Variants in LUC7L observed in about 807,000 individuals in gnomAD.
LUC7L encodes the protein putative RNA-binding protein Luc7-like 1.
Under a neutral mutation model 51.1 loss-of-function variants are expected in LUC7L, and 29 were observed. That is an observed-to-expected ratio of 0.57 (90% CI 0.42 to 0.77). The LOEUF (loss-of-function observed/expected upper bound fraction) is 0.77, where lower values mean the gene tolerates loss of function less well. LUC7L is among the 30% of genes least tolerant of loss of function. The probability of loss-of-function intolerance (pLI) is 0.00; values close to 1 mark genes in which losing one functional copy is unlikely to be tolerated. For synonymous variants in LUC7L, 181 were observed against 180.7 expected, an observed-to-expected ratio of 1.00 and a Z score of -0.01; for missense variants, 403 against 511.9, an observed-to-expected ratio of 0.79 and a Z score of 2.05.
intron 4 of LUC7L, among the ~76,000 whole-genome samples, chr16:206,654 C>A (rs934264794): frequency 6.6e-6 from 1 of 152,126 alleles, no homozygotes; most frequent in African/African-American, 2.4e-5. Flanking sequence ...GGCACTCAGT[C>A]TAATTACATA....
At chr16:204,447 A>C (rs2049422686) in intron 5 of LUC7L, among the ~76,000 whole-genome samples, 1 of 152,052 alleles carries the variant, frequency 6.6e-6, no homozygotes, top group Non-Finnish European at 1.5e-5. Context: ...CAAAAAAATT[A>C]GCCGGGCGTG....
chr16:191,782 C>T (rs531931124), intron 7 of LUC7L, among the ~76,000 whole-genome samples: 1 of 152,308 alleles, frequency 6.6e-6, no homozygotes, highest in Non-Finnish European at 1.5e-5. Flanking sequence ...GGGGTGGAGG[C>T]TGCAGTGAGC....
intron 3 of LUC7L, chr16:209,886 A>G (rs1351324139): frequency 6.6e-6 from 1 of 152,210 alleles, no homozygotes; most frequent in East Asian, 1.9e-4. Flanking sequence ...ATAGGGAAGA[A>G]CCTCCAAGTC....
At chr16:189,464 C>T in intron 9 of LUC7L, 125 bp from the exon 10 acceptor site, 1 of 1,428,644 alleles carries the variant, frequency 7.0e-7, no homozygotes, top group Non-Finnish European at 9.1e-7. Flanking sequence ...CCTGGAAACC[C>T]CCCGGAGGCC....
At chr16:199,690 G>C (rs1178576971) in intron 5 of LUC7L, among the ~76,000 whole-genome samples, 2 of 146,056 alleles carry the variant, frequency 1.4e-5, no homozygotes, top group Admixed American at 7.0e-5. Flanking sequence ...AGAATGGCTT[G>C]AACTCGGGAG....
chr16:203,346 A>G (rs1021904049), intron 5 of LUC7L, among the ~76,000 whole-genome samples: 1 of 152,166 alleles, frequency 6.6e-6, no homozygotes, highest in African/African-American at 2.4e-5. Context: ...AGAAAATAGA[A>G]GCAGAGAGAG....
At chr16:229,157 G>T (rs938273712) in intron 1 of LUC7L, 122 bp downstream of exon 1, 6 of 1,439,476 alleles carry the variant, frequency 4.2e-6, no homozygotes, top group African/African-American at 3.0e-5. Flanking sequence ...GAGCGCGGGG[G>T]AGGAGGAGCG....
rs1161264776 is a variant in LUC7L, at chr16:190,109, C to A, written c.833G>T (p.Arg278Met). ...CTCTCGGGAGGTAGATCTTGACCGC[C>A]TCCGACGCCGATCCCGGGAGCGTGA... is the stretch of plus-strand genomic sequence containing the variant. Reference protein sequence around the residue: ...RRSRSRDRRRRRSRSTSRERR... With the variant: ...RRSRSRDRRRMRSRSTSRERR... The change falls in exon 9 of 10, where the codon AGG becomes ATG. Residue 278 changes from arginine to methionine, a missense_variant. Physicochemically the swap from Arg to Met is moderately conservative, Grantham distance 91 (BLOSUM62 -1). Transcript: ENST00000293872. 1 of 1,612,356 alleles carries A rather than the reference C, an allele frequency of 6.2e-7. No homozygotes were observed. The highest frequency in any genetic ancestry group is 2.2e-5 in the East Asian group (1 of 44,862).
intron 1 of LUC7L, 195 bp downstream of exon 1, chr16:229,084 A>G (rs2050204625): frequency 7.1e-7 from 1 of 1,411,766 alleles, no homozygotes; most frequent in Non-Finnish European, 9.2e-7. Flanking sequence ...GAGGAGCCCG[A>G]CCTGGACCCA....
chr16:227,207 A>T, intron 2 of LUC7L, 35 bp downstream of exon 2: 1 of 1,552,400 alleles, frequency 6.4e-7, no homozygotes, highest in Non-Finnish European at 8.9e-7. Flanking sequence ...CACTCATGTC[A>T]GAGTGTTCCA....
chr16:201,642 T>A (rs985085977), intron 5 of LUC7L, among the ~76,000 whole-genome samples: 1 of 151,764 alleles, frequency 6.6e-6, no homozygotes, highest in Non-Finnish European at 1.5e-5. Context: ...AGTATCACCA[T>A]GTTAGCCAGG....
At chr16:224,166 G>C (rs1438706428) in intron 2 of LUC7L, among the ~76,000 whole-genome samples, 1 of 152,188 alleles carries the variant, frequency 6.6e-6, no homozygotes, top group South Asian at 2.1e-4. Context: ...AACAAAGTAT[G>C]AAGTACAAAT....
intron 3 of LUC7L, among the ~76,000 whole-genome samples, chr16:219,553 T>C (rs896229173): frequency 1.2e-4 from 18 of 152,034 alleles, no homozygotes; most frequent in African/African-American, 4.1e-4. Context: ...CACTCCAGCC[T>C]GGGCAACAGA....
At chr16:197,908 T>C (rs902601429) in intron 6 of LUC7L, among the ~76,000 whole-genome samples, 37 of 152,272 alleles carry the variant, frequency 2.4e-4, no homozygotes, top group African/African-American at 8.7e-4. Flanking sequence ...TCCATCAGTG[T>C]GAAGGGAGAC....
chr16:206,530 G>A (rs543129820), intron 4 of LUC7L, among the ~76,000 whole-genome samples: 36 of 152,170 alleles, frequency 2.4e-4, no homozygotes, highest in Admixed American at 6.6e-4. Context: ...AAATAGCACC[G>A]TTGGTCAAAT....
chr16:226,905 C>A (rs1474144130), intron 2 of LUC7L, among the ~76,000 whole-genome samples: 1 of 152,076 alleles, frequency 6.6e-6, no homozygotes, highest in Non-Finnish European at 1.5e-5. Flanking sequence ...GGGATTTCTG[C>A]CTGTTGAAGA....
intron 3 of LUC7L, chr16:209,886 AC>A (rs1283262345): frequency 6.6e-6 from 1 of 152,210 alleles, no homozygotes; most frequent in Non-Finnish European, 1.5e-5. Flanking sequence ...ATAGGGAAGA[AC>A]CTCCAAGTCT....
chr16:216,655 C>T (rs370021957), intron 3 of LUC7L, among the ~76,000 whole-genome samples: 2 of 152,290 alleles, frequency 1.3e-5, no homozygotes, highest in African/African-American at 4.8e-5. Context: ...GCTGAGATTA[C>T]AGGCATAAGC....
intron 3 of LUC7L, 109 bp downstream of exon 3, chr16:220,540 G>C (rs563540034): frequency 1.3e-6 from 1 of 798,654 alleles, no homozygotes; most frequent in East Asian, 2.4e-5. Flanking sequence ...AGGATAACAA[G>C]CAACTACCTT....
Sources: allele counts gnomAD v4.1 joint callset (sites outside exome capture counted in the v4.1 genomes callset), GRCh38; gene constraint gnomAD v4.1.1; transcripts MANE v1.5; gene names NCBI Gene and HGNC (gene_info 2026-07-23, HGNC 2026-07-21).